DESI2: variants seen among roughly 807,000 people sequenced by gnomAD.
The protein encoded by DESI2 is deubiquitinase DESI2.
DESI2 carries 10 observed loss-of-function variants against 24.1 expected under a neutral mutation model. That is an observed-to-expected ratio of 0.41 (90% confidence interval 0.26 to 0.70). The LOEUF is 0.70. Among genes scored for constraint, DESI2 ranks in the 30% least tolerant of loss-of-function variants. The probability of loss-of-function intolerance (pLI) is 0.29; values close to 1 mark genes in which losing one functional copy is unlikely to be tolerated. For missense variants in DESI2, 122 were observed against 234.9 expected (o/e 0.52, Z 3.14); for synonymous variants, 71 against 87.7 (o/e 0.81, Z 1.06).
intron 4 of DESI2, among the ~76,000 whole-genome samples, chr1:244,702,173 T>C (rs1677490340): frequency 6.6e-6 from 1 of 152,200 alleles, no homozygotes; most frequent in Non-Finnish European, 1.5e-5. Context: ...AAAATTCAGG[T>C]AGCAATGCTA....
chr1:244,654,289 T>C (rs1445156617), intron 1 of DESI2, among the ~76,000 whole-genome samples: 1 of 152,250 alleles, frequency 6.6e-6, no homozygotes, highest in African/African-American at 2.4e-5. Flanking sequence ...ACTGCAGTGC[T>C]TAAAATTCCT....
At chr1:244,694,481 TC>T in intron 4 of DESI2, 1 of 791,746 alleles carries the variant, frequency 1.3e-6, no homozygotes, top group South Asian at 1.3e-5. Flanking sequence ...TAGGTGGTGT[TC>T]CTTCACGGAA....
chr1:244,659,978 G>A (rs1260015766), intron 1 of DESI2, among the ~76,000 whole-genome samples: 1 of 152,082 alleles, frequency 6.6e-6, no homozygotes, highest in Non-Finnish European at 1.5e-5. Flanking sequence ...CAAGCGTATT[G>A]GTGACTAAAA....
chr1:244,668,891 A>T (rs1676140590), intron 1 of DESI2, among the ~76,000 whole-genome samples: 1 of 152,168 alleles, frequency 6.6e-6, no homozygotes. Flanking sequence ...AACTGTACTT[A>T]TTTTTGTAGT....
intron 1 of DESI2, among the ~76,000 whole-genome samples, chr1:244,658,492 G>T (rs767567424): frequency 5.3e-5 from 8 of 151,986 alleles, no homozygotes; most frequent in African/African-American, 1.9e-4. Context: ...GTTGTGCTTC[G>T]TGCCTGTCTC....
rs1187441987 is a variant in DESI2 at position 244,707,368 on chromosome 1, G to T, written c.*1579G>T. 6.6e-6 allele frequency: 1 copy of T among 152,642 alleles called. No homozygotes were observed. Among genetic ancestry groups the T allele is most frequent in the African/African-American group, 2.4e-5 (1 of 41,456 alleles). The allele number at this position is 152,642 out of a possible 1,614,324, so 9.5% of individuals were successfully genotyped here. ...TTATAAGCATTAGCCTGAGGACAAT[G>T]AAGCCACTTAACCTAATTTATGCTT... On this transcript the variant is annotated 3_prime_UTR_variant, in exon 5 of 5. Coordinates refer to ENST00000302550, the MANE Select transcript of DESI2 (RefSeq NM_016076.5).
At chr1:244,690,471 C>CA (rs1421686191) in intron 3 of DESI2, among the ~76,000 whole-genome samples, 1 of 152,118 alleles carries the variant, frequency 6.6e-6, no homozygotes, top group East Asian at 1.9e-4. Flanking sequence ...TTTGGGAGGC[C>CA]AAGGCAGGCG....
At chr1:244,682,433 T>C (rs1224985051) in intron 1 of DESI2, among the ~76,000 whole-genome samples, 1 of 152,218 alleles carries the variant, frequency 6.6e-6, no homozygotes, top group Non-Finnish European at 1.5e-5. Context: ...AGTTTAACTT[T>C]GTGAAAAACA....
intron 1 of DESI2, among the ~76,000 whole-genome samples, chr1:244,665,911 C>T (rs1178122656): frequency 6.6e-6 from 1 of 152,230 alleles, no homozygotes; most frequent in Non-Finnish European, 1.5e-5. Flanking sequence ...GTTACAGTCA[C>T]TCCCTCTGTC....
intron 1 of DESI2, among the ~76,000 whole-genome samples, chr1:244,662,576 CATCT>C (rs1558650660): frequency 6.6e-6 from 1 of 152,106 alleles, no homozygotes; most frequent in Non-Finnish European, 1.5e-5. Context: ...ATGCCAAACT[CATCT>C]ATCTAAACTG....
chr1:244,701,208 CCCCT>C lies in DESI2; in HGVS notation c.352-4345_352-4342del, dbSNP rs1677440607. Among the ~76,000 whole-genome samples the C allele has an allele frequency of 8.8e-5, 3 of 33,952 alleles. 1 individual carries two copies. Among genetic ancestry groups the C allele is most frequent in the African/African-American group, 2.2e-4 (1 of 4,648 alleles). 22.3% of individuals were successfully genotyped at this position (33,952 alleles called of 152,430 possible). ...GCCAAGGGCATGACTGGACCACCTT[CCCCT>C]CCACCCCCCCCCCCCCCCCCCCGCC... On this transcript the variant is annotated intron_variant, in intron 4 of 4. Transcript: ENST00000302550.
intron 1 of DESI2, among the ~76,000 whole-genome samples, chr1:244,654,466 A>G (rs934712485): frequency 2.6e-5 from 4 of 152,212 alleles, no homozygotes; most frequent in African/African-American, 9.6e-5. Flanking sequence ...TATCTTGGGT[A>G]GAGTGGGATT....
In DESI2 at chr1:244,686,683, C is replaced by T; in HGVS notation, c.115+14C>T. On this transcript the variant is annotated intron_variant, in intron 2 of 4. Coordinates refer to ENST00000302550, the MANE Select transcript of DESI2 (RefSeq NM_016076.5). ...TCTATGGCAGAGGTACGTGTACACACAGTCTAAATATACTCTCTGAAGATT... is the reference window on the plus strand; with the variant it reads ...TCTATGGCAGAGGTACGTGTACACATAGTCTAAATATACTCTCTGAAGATT... The T allele has an allele frequency of 2.0e-6, 3 of 1,532,910 alleles. No homozygotes were observed. Among genetic ancestry groups the T allele is most frequent in the South Asian group, 1.1e-5 (1 of 89,418 alleles). 95.0% of individuals were successfully genotyped at this position (1,532,910 alleles called of 1,614,324 possible).
chr1:244,694,200 A>G (rs1175938199), intron 4 of DESI2, among the ~76,000 whole-genome samples: 2 of 152,242 alleles, frequency 1.3e-5, no homozygotes, highest in Admixed American at 1.3e-4. Context: ...CCTCTACAGC[A>G]GGGATTAGCA....
At chr1:244,688,059 C>T (rs146007557) in intron 2 of DESI2, among the ~76,000 whole-genome samples, 4 of 152,162 alleles carry the variant, frequency 2.6e-5, no homozygotes, top group South Asian at 2.1e-4. Context: ...TATGCTAGTC[C>T]GTGGCTCTAT....
intron 4 of DESI2, 117 bp from the exon 5 acceptor site, chr1:244,705,439 C>A: frequency 1.3e-6 from 1 of 746,556 alleles, no homozygotes; most frequent in Non-Finnish European, 2.3e-6. Flanking sequence ...CCACTGAAGG[C>A]TAGTCTGCCG....
intron 1 of DESI2, among the ~76,000 whole-genome samples, chr1:244,680,020 CTTT>C (rs147614472): frequency 2.5e-3 from 204 of 81,846 alleles, no homozygotes; most frequent in African/African-American, 6.7e-3. Context: ...TCTTTTTAGC[CTTT>C]TTTTTTTTTT....
intron 4 of DESI2, among the ~76,000 whole-genome samples, chr1:244,699,779 A>G (rs1677369575): frequency 6.6e-6 from 1 of 152,044 alleles, no homozygotes; most frequent in Admixed American, 6.5e-5. Flanking sequence ...GGGAATCTCA[A>G]AGGAGGCAAA....
At chr1:244,693,243 G>A (rs1237293404) in intron 4 of DESI2, among the ~76,000 whole-genome samples, 1 of 152,220 alleles carries the variant, frequency 6.6e-6, no homozygotes, top group East Asian at 1.9e-4. Context: ...TACTTCCTCT[G>A]GTTCTAATTC....
Sources: allele counts gnomAD v4.1 joint callset (sites outside exome capture counted in the v4.1 genomes callset), GRCh38; gene constraint gnomAD v4.1.1; transcripts MANE v1.5; gene names NCBI Gene and HGNC (gene_info 2026-07-23, HGNC 2026-07-21).